The following LRCH1 variants were observed in gnomAD, a reference collection of about 807,000 sequenced individuals.
LRCH1 encodes leucine rich repeats and calponin homology domain containing 1.
LRCH1 carries 23 observed loss-of-function variants against 94.9 expected under a neutral mutation model. The observed-to-expected ratio is 0.24, with a 90% CI of 0.17 to 0.34. LRCH1 has a LOEUF of 0.34. Among genes scored for constraint, LRCH1 ranks in the 10% least tolerant of loss-of-function variants. The pLI is 1.00. For synonymous variants in LRCH1, 364 were observed against 354.9 expected, an observed-to-expected ratio of 1.03 and a Z score of -0.29; for missense variants, 790 against 945.9, an observed-to-expected ratio of 0.84 and a Z score of 2.16.
At chr13:46,668,701 G>A (rs2051554262) in intron 2 of LRCH1, among the ~76,000 whole-genome samples, 1 of 137,154 alleles carries the variant, frequency 7.3e-6, no homozygotes. Context: ...CTGGCTGGCC[G>A]AGGGCTCAGC....
intron 3 of LRCH1, among the ~76,000 whole-genome samples, chr13:46,677,492 T>C (rs1414108786): frequency 1.3e-5 from 2 of 152,152 alleles, no homozygotes; most frequent in East Asian, 3.9e-4. Flanking sequence ...TGAAAGTGAG[T>C]ATAACCTAGT....
rs773492094 is a variant in LRCH1 at position 46,741,809 on chromosome 13, G to T, written c.2253G>T (p.Leu751=). ...TTGTCCATATTCTCTTTATAGTGCT[G>T]GTCTATATCACTTACCACTGGAATG... ...FCLVHILFIV[L]VYITYHWNAL... The change falls in exon 20 of 20, where the codon CTG becomes CTT. Residue 751 remains leucine, a synonymous_variant. Coordinates refer to ENST00000389797, the MANE Select transcript of LRCH1 (RefSeq NM_001164211.2). 4 of 1,614,012 alleles carry T rather than the reference G, an allele frequency of 2.5e-6. No homozygotes were observed. The African/African-American group carries it at 5.3e-5, about 22-fold the overall frequency.
chr13:46,717,818 TC>T (rs1189861290), intron 16 of LRCH1: 1 of 152,188 alleles, frequency 6.6e-6, no homozygotes, highest in Non-Finnish European at 1.5e-5. Context: ...CTTTCAAATA[TC>T]TTATTCCCAT....
intron 13 of LRCH1, among the ~76,000 whole-genome samples, chr13:46,710,822 AG>A (rs548316438): frequency 5.5e-4 from 84 of 152,222 alleles, no homozygotes; most frequent in Non-Finnish European, 9.9e-4. Context: ...TTTATTAGGG[AG>A]GATCAGGGGG....
chr13:46,710,558 A>C (rs1480869892), intron 13 of LRCH1, among the ~76,000 whole-genome samples: 1 of 152,214 alleles, frequency 6.6e-6, no homozygotes, highest in African/African-American at 2.4e-5. Context: ...GATAGGACAA[A>C]CTAGAGGAAA....
intron 8 of LRCH1, among the ~76,000 whole-genome samples, chr13:46,694,484 T>C (rs929072754): frequency 1.3e-5 from 2 of 152,200 alleles, no homozygotes; most frequent in Non-Finnish European, 2.9e-5. Context: ...ATTTGGCTGA[T>C]TTTTTAATCC....
chr13:46,705,805 G>A (rs960788296), intron 13 of LRCH1, among the ~76,000 whole-genome samples: 2 of 152,202 alleles, frequency 1.3e-5, no homozygotes, highest in Admixed American at 1.3e-4. Context: ...GTAAGGATGG[G>A]TTCAGTAGAG....
chr13:46,650,265 T>A lies in LRCH1; in HGVS notation c.372T>A (p.Ile124=). The A allele has an allele frequency of 6.2e-7, 1 of 1,613,024 alleles. No individual in the cohort carries two copies. The change falls in exon 2 of 20, where the codon ATT becomes ATA. Residue 124 remains isoleucine (I), a synonymous_variant. Transcript: ENST00000389797. ...TGTGCCATTTTGTATCACTGGAAAT[T>A]CTTAATCTGTATCACAACTGTATCA... The part of the protein sequence containing the change: ...MELCHFVSLE[I]LNLYHNCIRV...
chr13:46,722,628 C>T (rs1319247140), intron 16 of LRCH1, among the ~76,000 whole-genome samples: 2 of 152,148 alleles, frequency 1.3e-5, no homozygotes, highest in Non-Finnish European at 2.9e-5. Flanking sequence ...TCCAATCTTG[C>T]CAGCCTTCCT....
chr13:46,578,081 G>T (rs536864672), intron 1 of LRCH1, among the ~76,000 whole-genome samples: 1 of 152,332 alleles, frequency 6.6e-6, no homozygotes, highest in South Asian at 2.1e-4. Flanking sequence ...GGCACATGTG[G>T]CACCTCCTCC....
intron 6 of LRCH1, among the ~76,000 whole-genome samples, chr13:46,688,299 A>G (rs965660333): frequency 9.2e-5 from 14 of 152,228 alleles, no homozygotes; most frequent in African/African-American, 3.1e-4. Flanking sequence ...ACAAATGTGA[A>G]TATTTTTTAC....
At position 46,715,598 on chromosome 13, in the gene LRCH1, C is replaced by T; in HGVS notation, c.1693C>T (p.Leu565Phe). 1 of 1,537,288 alleles carries T rather than the reference C, an allele frequency of 6.5e-7. No homozygotes were observed. Among genetic ancestry groups the T allele is most frequent in the East Asian group, 2.4e-5 (1 of 40,910 alleles). Residue 565 changes from leucine (L) to phenylalanine (F), a missense_variant, in exon 16 of 20, where the codon CTT (leucine) becomes TTT (phenylalanine). By Grantham distance (22) the Leu-to-Phe change is conservative. Around this residue, in one of 3 missense-constraint regions of LRCH1, gnomAD observed 460 missense variants for 508.9 expected, o/e 0.90. Coordinates refer to ENST00000389797, the MANE Select transcript of LRCH1 (RefSeq NM_001164211.2). Reference sequence around the variant, plus strand: ...TCTTCCTCCTATCTCCTTCAACACACTTACACAGGCACAGACATGGGACAG... The same window carrying T: ...TCTTCCTCCTATCTCCTTCAACACATTTACACAGGCACAGACATGGGACAG... ...LILPPISFNT[L>F]TQAQTWDSSS...
intron 2 of LRCH1, among the ~76,000 whole-genome samples, chr13:46,654,318 G>C (rs758620483): frequency 1.3e-5 from 2 of 152,170 alleles, no homozygotes; most frequent in African/African-American, 4.8e-5. Context: ...CAACAACCAG[G>C]GTTAGCCACG....
intron 12 of LRCH1, 50 bp downstream of exon 12, chr13:46,705,207 T>G (rs376467663): frequency 6.3e-7 from 1 of 1,591,936 alleles, no homozygotes; most frequent in Non-Finnish European, 8.6e-7. Context: ...CATAATACAT[T>G]GACATTTCTA....
chr13:46,574,145 A>G (rs2050275867), intron 1 of LRCH1, among the ~76,000 whole-genome samples: 3 of 151,780 alleles, frequency 2.0e-5, no homozygotes, highest in African/African-American at 7.3e-5. Context: ...GTGCCTGACC[A>G]TATAGTCAAT....
chr13:46,571,027 G>T (rs1438506087), intron 1 of LRCH1, among the ~76,000 whole-genome samples: 1 of 152,212 alleles, frequency 6.6e-6, no homozygotes, highest in African/African-American at 2.4e-5. Flanking sequence ...GTTGCCCTCG[G>T]CCTCTCCATT....
chr13:46,580,055 T>G (rs1248006053), intron 1 of LRCH1, among the ~76,000 whole-genome samples: 2 of 152,210 alleles, frequency 1.3e-5, no homozygotes, highest in Admixed American at 6.5e-5. Context: ...CATTTTGGCA[T>G]GAACATTTCT....
rs533164792 is a variant in LRCH1, at chr13:46,574,249, A to G, written c.307+20546A>G. On this transcript the variant is annotated intron_variant, in intron 1 of 19. Transcript: ENST00000389797. Reference sequence around the variant, plus strand: ...AAAGGATAAATGCTTGAAATGATGGATACCCATTTATCCTGATGTGATTAT... The same window carrying G: ...AAAGGATAAATGCTTGAAATGATGGGTACCCATTTATCCTGATGTGATTAT... 2.0e-5 allele frequency among the ~76,000 whole-genome samples: 3 copies of G among 152,250 alleles called. No individual in the cohort carries two copies. In the South Asian group the frequency reaches 6.2e-4, roughly 32 times the overall value.
intron 13 of LRCH1, among the ~76,000 whole-genome samples, chr13:46,707,714 G>T (rs1392332954): frequency 6.6e-6 from 1 of 152,118 alleles, no homozygotes; most frequent in Non-Finnish European, 1.5e-5. Context: ...ATATATTCCT[G>T]AATTTTTTTT....
Sources: gnomAD v4.1 joint callset for allele counts (sites outside exome capture counted in the v4.1 genomes callset) on GRCh38, gnomAD v4.1.1 for gene constraint, gnomAD v4.1.1 regional missense constraint, MANE v1.5 for transcripts, NCBI Gene and HGNC (gene_info 2026-07-23, HGNC 2026-07-21) for gene names.